CLYBL: variants seen among roughly 807,000 people sequenced by gnomAD.
CLYBL encodes the protein citramalyl-CoA lyase, also known as citramalyl-CoA lyase, mitochondrial.
A neutral mutation model predicts 38.9 loss-of-function variants in CLYBL; 31 were observed. That is an observed-to-expected ratio of 0.80 (90% CI 0.60 to 1.08). CLYBL has a LOEUF of 1.08. Ranked by LOEUF, CLYBL falls within the 50% of genes least tolerant of loss-of-function variation. The pLI is 0.00. For synonymous variants in CLYBL, 171 were observed against 158.6 expected (o/e 1.08, Z -0.59); for missense variants, 434 against 411.6 (o/e 1.05, Z -0.47).
intron 1 of CLYBL, among the ~76,000 whole-genome samples, chr13:99,652,680 C>T (rs17611399): frequency 0.09 from 13,703 of 152,230 alleles, 676 homozygotes; most frequent in East Asian, 0.17. Flanking sequence ...GAAAGGGTCC[C>T]GAATGTTCCA....
chr13:99,869,707 ATAGAAT>A lies in CLYBL; in HGVS notation c.803-1230_803-1225del, dbSNP rs1025045573. ...AAGCATCATTCCTTTTTTCATTCTA[ATAGAAT>A]AATGACAATAGGAATTGACAGCAAG... On this transcript the variant is annotated intron_variant, in intron 6 of 8. Transcript: ENST00000339105. The surrounding 1 kb of genome is among the most constrained non-coding windows in gnomAD (Gnocchi z 4.3). Among the ~76,000 whole-genome samples, 1 of 152,080 alleles carries A rather than the reference ATAGAAT, an allele frequency of 6.6e-6. No homozygotes were observed. Among genetic ancestry groups the A allele is most frequent in the African/African-American group, 2.4e-5 (1 of 41,436 alleles).
Position 99,772,843 on chromosome 13 carries a change from G to T in CLYBL, c.82G>T (p.Asp28Tyr), listed in dbSNP as rs17577293. ...TTGCAGGAAAGCGTCTCTAGCAGCT[G>T]ATATCCCCAGACTTGGATATAGTTC... ...LLRLKASLAA[D>Y]IPRLGYSSSS... The change falls in exon 2 of 9, where the codon GAT becomes TAT. Residue 28 changes from aspartate to tyrosine, a missense_variant. Coordinates refer to ENST00000339105, the MANE Select transcript of CLYBL (RefSeq NM_206808.5). 0.026 allele frequency: 42,323 copies of T among 1,600,782 alleles called. 739 individuals carry two copies. Among genetic ancestry groups the T allele is most frequent in the Non-Finnish European group, 0.032 (37,388 of 1,176,786 alleles).
chr13:99,865,052 G>A lies in CLYBL; in HGVS notation c.634+141G>A. 1 of 704,514 alleles carries A rather than the reference G, an allele frequency of 1.4e-6. No individual in the cohort carries two copies. Among genetic ancestry groups the A allele is most frequent in the South Asian group, 1.5e-5 (1 of 67,604 alleles). The allele number at this position is 704,514 out of a possible 1,614,324, so 43.6% of individuals were successfully genotyped here. ...CATGACAATGGTTTTTCATGACAAT[G>A]GAATGGACACTACTTCCTGATAATT... On this transcript the variant is annotated intron_variant, in intron 5 of 8. Transcript: ENST00000339105. The surrounding 1 kb of genome is among the most constrained non-coding windows in gnomAD (Gnocchi z 4.7).
At chr13:99,891,532 AGTTCAT>A in intron 8 of CLYBL, 95 bp downstream of exon 8, 1 of 647,484 alleles carries the variant, frequency 1.5e-6, no homozygotes, top group East Asian at 2.8e-5. Context: ...CTCCATTTAC[AGTTCAT>A]GTTAATCACA....
chr13:99,785,191 CTTTTTTTTTTTTTTTTTT>C lies in CLYBL; in HGVS notation c.249+12198_249+12215del, dbSNP rs58550861. On this transcript the variant is annotated intron_variant, in intron 2 of 8. Coordinates refer to ENST00000339105, the MANE Select transcript of CLYBL (RefSeq NM_206808.5). ...TACAGACTTGAGCCACCCCGCCTGG[CTTTTTTTTTTTTTTTTTT>C]TTTTTTTTTTTTTTTTAAAGACAGG... Among the ~76,000 whole-genome samples the C allele has an allele frequency of 1.5e-4, 5 of 34,206 alleles. No individual in the cohort carries two copies. In the South Asian group the frequency reaches 4.9e-3, roughly 33 times the overall value. 22.4% of individuals were successfully genotyped at this position (34,206 alleles called of 152,430 possible).
chr13:99,732,081 T>G (rs2048600732), intron 1 of CLYBL, among the ~76,000 whole-genome samples: 1 of 152,062 alleles, frequency 6.6e-6, no homozygotes, highest in Non-Finnish European at 1.5e-5. Context: ...TCTTTCTTAC[T>G]GTTTCTTTTT....
intron 3 of CLYBL, 82 bp downstream of exon 3, chr13:99,859,131 T>A (rs1289551179): frequency 9.0e-7 from 1 of 1,108,098 alleles, no homozygotes; most frequent in African/African-American, 1.6e-5. Flanking sequence ...TGCCACAGGT[T>A]TGGAAAATGC....
chr13:99,700,340 G>A (rs1293696841), intron 1 of CLYBL, among the ~76,000 whole-genome samples: 3 of 152,050 alleles, frequency 2.0e-5, no homozygotes, highest in Admixed American at 2.0e-4. Context: ...AGCTACTCAG[G>A]AGGCTGAGGC....
rs536987350 is a variant in CLYBL at position 99,884,352 on chromosome 13, C to A, written c.928-6966C>A. Among the ~76,000 whole-genome samples the A allele has an allele frequency of 2.7e-4, 41 of 152,246 alleles. No individual in the cohort carries two copies. In the South Asian group the frequency reaches 5.8e-3, roughly 22 times the overall value. Reference sequence around the variant, plus strand: ...CTCCTATCACTGTCCCCTCGATCACCCAGCTCACGCCCCAGAGAGAGCCAT... The same window carrying A: ...CTCCTATCACTGTCCCCTCGATCACACAGCTCACGCCCCAGAGAGAGCCAT... On this transcript the variant is annotated intron_variant, in intron 7 of 8. Coordinates refer to ENST00000339105, the MANE Select transcript of CLYBL (RefSeq NM_206808.5).
chr13:99,904,032 G>A (rs556129595), intron 8 of CLYBL, among the ~76,000 whole-genome samples: 14 of 148,934 alleles, frequency 9.4e-5, no homozygotes, highest in Admixed American at 8.7e-4. Context: ...ATGACAGAGT[G>A]AGACCCCTCT....
At chr13:99,744,900 A>AT (rs2048822912) in intron 1 of CLYBL, among the ~76,000 whole-genome samples, 1 of 152,132 alleles carries the variant, frequency 6.6e-6, no homozygotes, top group African/African-American at 2.4e-5. Flanking sequence ...CTCCACCTGC[A>AT]TTGCTGCATC....
At chr13:99,825,164 G>A (rs1204234528) in intron 2 of CLYBL, among the ~76,000 whole-genome samples, 1 of 152,214 alleles carries the variant, frequency 6.6e-6, no homozygotes, top group East Asian at 1.9e-4. Flanking sequence ...GAGAGGCTGA[G>A]CTGCCCACTT....
At chr13:99,905,722 C>CTTTT (rs35968589) in intron 9 of CLYBL, among the ~76,000 whole-genome samples, 1 of 146,608 alleles carries the variant, frequency 6.8e-6, no homozygotes, top group Non-Finnish European at 1.5e-5. Context: ...GTTGTTTTTG[C>CTTTT]TTTTTTTTTT....
chr13:99,826,886 G>A (rs956955577), intron 2 of CLYBL, among the ~76,000 whole-genome samples: 14 of 152,190 alleles, frequency 9.2e-5, no homozygotes, highest in African/African-American at 2.9e-4. Context: ...CTCGGGGCCC[G>A]AGGCAGTGGG....
chr13:99,729,882 T>C (rs1374359212), intron 1 of CLYBL, among the ~76,000 whole-genome samples: 1 of 129,752 alleles, frequency 7.7e-6, no homozygotes, highest in Non-Finnish European at 1.7e-5. Flanking sequence ...ACCGCTTCAG[T>C]GTGGCTGGTG....
chr13:99,756,600 G>T (rs2049066811), intron 1 of CLYBL, among the ~76,000 whole-genome samples: 1 of 149,572 alleles, frequency 6.7e-6, no homozygotes, highest in African/African-American at 2.6e-5. Context: ...TATGAGATTT[G>T]TTGTTGTTGT....
intron 2 of CLYBL, among the ~76,000 whole-genome samples, chr13:99,781,796 G>A (rs567704038): frequency 2.0e-5 from 3 of 152,160 alleles, no homozygotes; most frequent in South Asian, 4.2e-4. Context: ...TATTTTCTTA[G>A]TTCATTCTTT....
intron 1 of CLYBL, among the ~76,000 whole-genome samples, chr13:99,622,455 T>G (rs917360256): frequency 9.2e-5 from 14 of 152,186 alleles, no homozygotes; most frequent in African/African-American, 3.4e-4. Flanking sequence ...GACCTGTTGG[T>G]TCCAAAAACA....
intron 1 of CLYBL, among the ~76,000 whole-genome samples, chr13:99,637,895 G>T (rs980293395): frequency 2.0e-5 from 3 of 149,518 alleles, no homozygotes; most frequent in Non-Finnish European, 4.4e-5. Flanking sequence ...CATAGCAGAT[G>T]CATTAATTTG....
Sources: gnomAD v4.1 joint callset for allele counts (sites outside exome capture counted in the v4.1 genomes callset) on GRCh38, gnomAD v4.1.1 for gene constraint, Gnocchi (gnomAD v3.1) non-coding constraint, MANE v1.5 for transcripts, NCBI Gene and HGNC (gene_info 2026-07-23, HGNC 2026-07-21) for gene names.